Variants in IMPACT observed in about 807,000 individuals in gnomAD.
IMPACT encodes impact RWD domain protein.
IMPACT carries 35 observed loss-of-function variants against 47.5 expected under a neutral mutation model. The observed-to-expected ratio is 0.74, with a 90% CI of 0.56 to 0.98. IMPACT has a LOEUF of 0.98. IMPACT is among the 50% of genes least tolerant of loss of function. The pLI, the probability that IMPACT is intolerant of heterozygous loss-of-function variation, is 0.00. For missense variants in IMPACT, 373 were observed against 394.8 expected (o/e 0.94, Z 0.47); for synonymous variants, 118 against 125.6 (o/e 0.94, Z 0.40).
At chr18:24,426,925 C>A in intron 1 of IMPACT, 133 bp downstream of exon 1, 2 of 579,574 alleles carry the variant, frequency 3.5e-6, no homozygotes, top group South Asian at 8.9e-5. Context: ...GCCATTTGCT[C>A]CACCGCGTTC....
Position 24,440,580 on chromosome 18 carries a change from T to A in IMPACT, c.452T>A (p.Leu151His). ...LILACQPESS[L>H]KALDFDISET... ...TTAGCATGTCAGCCGGAAAGTTCGC[T>A]TAAAGCATTGGATTTTGATATCAGT... The change falls in exon 6 of 11, where the codon CTT (leucine) becomes CAT (histidine). Residue 151 changes from leucine (L) to histidine (H), a missense_variant. By Grantham distance (99) the Leu-to-His change is moderately conservative. Transcript: ENST00000284202. 1 of 1,613,396 alleles carries A rather than the reference T, an allele frequency of 6.2e-7. No homozygotes were observed. The highest frequency in any genetic ancestry group is 8.5e-7 in the Non-Finnish European group (1 of 1,179,584).
intron 3 of IMPACT, among the ~76,000 whole-genome samples, chr18:24,429,137 G>A (rs1025811696): frequency 2.6e-5 from 4 of 152,290 alleles, no homozygotes; most frequent in Non-Finnish European, 5.9e-5. Context: ...CACAAGGTTC[G>A]TAGAGGTGAA....
intron 6 of IMPACT, among the ~76,000 whole-genome samples, 173 bp from the exon 7 acceptor site, chr18:24,442,876 C>G (rs181715397): frequency 6.6e-6 from 1 of 152,160 alleles, no homozygotes; most frequent in Admixed American, 6.5e-5. Context: ...TAGTTAGAAA[C>G]TTTTTACTTA....
chr18:24,440,656 G>T (rs770380213), intron 6 of IMPACT, 38 bp downstream of exon 6: 1 of 1,558,456 alleles, frequency 6.4e-7, no homozygotes, highest in Non-Finnish European at 8.7e-7. Context: ...GAGGAGAGTG[G>T]GTTGGTAGTA....
chr18:24,434,872 GTATA>G (rs1310429319), intron 4 of IMPACT, among the ~76,000 whole-genome samples: 2 of 114,270 alleles, frequency 1.8e-5, no homozygotes, highest in South Asian at 5.3e-4. Context: ...ATATATATGT[GTATA>G]TATATGTGTA....
rs1265340232 is a variant in IMPACT, at chr18:24,433,212, A to G, written c.281+2828A>G. 9.4e-4 allele frequency among the ~76,000 whole-genome samples: 8 copies of G among 8,540 alleles called. 1 individual carries two copies. In the Admixed American group the frequency reaches 0.018, roughly 19 times the overall value. 5.6% of individuals were successfully genotyped at this position (8,540 alleles called of 152,430 possible). On this transcript the variant is annotated intron_variant, in intron 4 of 10. Transcript: ENST00000284202. Reference sequence around the variant, plus strand: ...TTTTTTTTTTTTTTTTTTTTTTTTGAGACGGAGTCTCGCTCTGTCGCCCAG... The same window carrying G: ...TTTTTTTTTTTTTTTTTTTTTTTTGGGACGGAGTCTCGCTCTGTCGCCCAG...
chr18:24,445,447 CACA>C lies in IMPACT; in HGVS notation c.653_655del (p.Asn218del). 1 of 1,604,532 alleles carries C rather than the reference CACA, an allele frequency of 6.2e-7. No homozygotes were observed. The highest frequency in any genetic ancestry group is 8.5e-7 in the Non-Finnish European group (1 of 1,174,922). The stretch of plus-strand genomic sequence containing the variant: ...GAATAAGAAAATAGCTAGTGCCACC[CACA>C]ACATCTATGCCTACAGGTGAGTAAT... On this transcript the variant is annotated inframe_deletion, in exon 8 of 11. Coordinates refer to ENST00000284202, the MANE Select transcript of IMPACT (RefSeq NM_018439.4).
Position 24,428,880 on chromosome 18 carries a change from G to C in IMPACT, c.177G>C (p.Pro59=), listed in dbSNP as rs771256578. Residue 59 remains proline (P), a synonymous_variant, in exon 3 of 11, where the codon CCG becomes CCC. Coordinates refer to ENST00000284202, the MANE Select transcript of IMPACT (RefSeq NM_018439.4). Reference sequence around the variant, plus strand: ...AACCTGCATTGTAGGTGATGCTGCCGAATGAATACCCAGGTACAGCTCCAC... The same window carrying C: ...AACCTGCATTGTAGGTGATGCTGCCCAATGAATACCCAGGTACAGCTCCAC... The part of the protein sequence containing the change: ...KWTLCLQVML[P]NEYPGTAPPI... 1 of 1,611,522 alleles carries C rather than the reference G, an allele frequency of 6.2e-7. No individual in the cohort carries two copies. The highest frequency in any genetic ancestry group is 8.5e-7 in the Non-Finnish European group (1 of 1,178,630).
intron 6 of IMPACT, 74 bp from the exon 7 acceptor site, chr18:24,442,975 G>GC (rs955915165): frequency 6.5e-5 from 45 of 695,706 alleles, no homozygotes; most frequent in East Asian, 4.2e-4. Context: ...TTTCCCAGCT[G>GC]CCCCCCCATT....
At chr18:24,445,324 A>AT (rs912480510) in intron 7 of IMPACT, 69 bp from the exon 8 acceptor site, 3 of 948,240 alleles carry the variant, frequency 3.2e-6, no homozygotes, top group Admixed American at 2.1e-5. Flanking sequence ...GCTTCAAGGT[A>AT]TTTTTCTAGC....
Position 24,440,631 on chromosome 18 carries a change from TA to T in IMPACT, c.490+15del. On this transcript the variant is annotated intron_variant, in intron 6 of 10. Transcript: ENST00000284202. Reference sequence around the variant, plus strand: ...GAAACTCGGACAGGTATAATGTTACTAACTAATTTCTTTTGAGGAGAGTGGG... The same window carrying T: ...GAAACTCGGACAGGTATAATGTTACTACTAATTTCTTTTGAGGAGAGTGGG... 1 of 1,591,502 alleles carries T rather than the reference TA, an allele frequency of 6.3e-7. No homozygotes were observed. The highest frequency in any genetic ancestry group is 2.3e-5 in the East Asian group (1 of 43,952).
At chr18:24,442,761 C>T (rs1458167438) in intron 6 of IMPACT, among the ~76,000 whole-genome samples, 1 of 152,204 alleles carries the variant, frequency 6.6e-6, no homozygotes, top group Non-Finnish European at 1.5e-5. Flanking sequence ...ACTTACACTA[C>T]TGACTGCAGC....
chr18:24,433,224 G>T (rs1286129504), intron 4 of IMPACT, among the ~76,000 whole-genome samples: 1 of 108,734 alleles, frequency 9.2e-6, no homozygotes, highest in African/African-American at 3.6e-5. Flanking sequence ...ACGGAGTCTC[G>T]CTCTGTCGCC....
rs1908721828 is a variant in IMPACT at position 24,430,383 on chromosome 18, A to G, written c.280A>G (p.Ile94Val). Residue 94 changes from isoleucine (I) to valine (V), a missense_variant and splice_region_variant, in exon 4 of 11, where the codon ATT (isoleucine) becomes GTT (valine). By Grantham distance (29) the Ile-to-Val change is conservative. Transcript: ENST00000284202. ...DLSNSLEEIY[I>V]QNIGESILYL... is the part of the protein sequence containing the mutation. ...ATCAAATAGCCTTGAGGAAATATAT[A>G]TGTAAGTGACAGGCGATTTTTTAAA... 10 of 1,594,244 alleles carry G rather than the reference A, an allele frequency of 6.3e-6. No individual in the cohort carries two copies. Among genetic ancestry groups the G allele is most frequent in the South Asian group, 2.3e-5 (2 of 87,192 alleles).
intron 4 of IMPACT, among the ~76,000 whole-genome samples, chr18:24,433,145 C>A (rs1908801807): frequency 6.8e-6 from 1 of 147,064 alleles, no homozygotes; most frequent in Non-Finnish European, 1.5e-5. Context: ...TATTTTCACA[C>A]ATGTAGTCTA....
chr18:24,433,794 C>T lies in IMPACT; in HGVS notation c.281+3410C>T, dbSNP rs182445216. ...CAAGCAATTCTTGTACCTCAGCCTC[C>T]TGAGTAGCTGGGATTACAGGTGTGC... On this transcript the variant is annotated intron_variant, in intron 4 of 10. Coordinates refer to ENST00000284202, the MANE Select transcript of IMPACT (RefSeq NM_018439.4). Among the ~76,000 whole-genome samples, 555 of 151,458 alleles carry T rather than the reference C, an allele frequency of 3.7e-3. 15 individuals are homozygous for T. The highest frequency in any genetic ancestry group is 0.032 in the Admixed American group (482 of 15,164).
intron 7 of IMPACT, 40 bp from the exon 8 acceptor site, chr18:24,445,353 T>C (rs1909222388): frequency 8.3e-7 from 1 of 1,197,956 alleles, no homozygotes; most frequent in Non-Finnish European, 1.2e-6. Context: ...ACAGAGCAAA[T>C]ATAAAAAGCA....
At chr18:24,434,842 A>ATG (rs1235287960) in intron 4 of IMPACT, among the ~76,000 whole-genome samples, 2 of 138,568 alleles carry the variant, frequency 1.4e-5, no homozygotes, top group African/African-American at 2.9e-5. Context: ...GTGTATATAT[A>ATG]TGTGTGTATA....
chr18:24,450,793 G>A lies in IMPACT; in HGVS notation c.909G>A (p.Lys303=), dbSNP rs747860269. ...NYTNSPEESS[K]ALGKNKKVRK... ...GTCTTTTTCAGGAGGAGTCATCTAA[G>A]GCTTTGGGAAAGAACAAAAAAGTAA... Residue 303 remains lysine (K), a synonymous_variant, in exon 11 of 11, where the codon AAG becomes AAA. Transcript: ENST00000284202. The A allele has an allele frequency of 6.2e-7, 1 of 1,610,206 alleles. No homozygotes were observed. Among genetic ancestry groups the A allele is most frequent in the Non-Finnish European group, 8.5e-7 (1 of 1,176,900 alleles).
Sources: gnomAD v4.1 joint callset for allele counts (sites outside exome capture counted in the v4.1 genomes callset) on GRCh38, gnomAD v4.1.1 for gene constraint, MANE v1.5 for transcripts, NCBI Gene and HGNC (gene_info 2026-07-23, HGNC 2026-07-21) for gene names.